SUCO: variants seen among roughly 807,000 people sequenced by gnomAD.
The protein encoded by SUCO is SUN domain containing ossification factor, also known as SUN domain-containing ossification factor.
A neutral mutation model predicts 148.1 loss-of-function variants in SUCO; 57 were observed. That is an observed-to-expected ratio of 0.38 (90% confidence interval 0.31 to 0.48). SUCO has a LOEUF of 0.48. Ranked by LOEUF, SUCO falls within the 20% of genes least tolerant of loss-of-function variation. SUCO has a pLI of 0.96. For missense variants in SUCO, 1,331 were observed against 1,468.2 expected, an observed-to-expected ratio of 0.91 and a Z score of 1.53; for synonymous variants, 470 against 502.7, an observed-to-expected ratio of 0.93 and a Z score of 0.87.
At chr1:172,582,642 C>T (rs1178679920) in intron 15 of SUCO, among the ~76,000 whole-genome samples, 3 of 152,030 alleles carry the variant, frequency 2.0e-5, no homozygotes, top group Admixed American at 6.6e-5. Flanking sequence ...GCCAGATAAT[C>T]ATGGTGTATA....
rs572494281 is a variant in SUCO, at chr1:172,597,089, T to G, written c.2914-2975T>G. 1.5e-3 allele frequency among the ~76,000 whole-genome samples: 233 copies of G among 152,174 alleles called. 2 individuals are homozygous for G. Among genetic ancestry groups the G allele is most frequent in the Non-Finnish European group, 2.8e-3 (192 of 68,036 alleles). On this transcript the variant is annotated intron_variant, in intron 19 of 23. Transcript: ENST00000263688. Reference sequence around the variant, plus strand: ...CGTGGGCATGGGACCCTCCGAGCCATGCACGGGATATAATCTCCTGGTGTG... The same window carrying G: ...CGTGGGCATGGGACCCTCCGAGCCAGGCACGGGATATAATCTCCTGGTGTG...
intron 1 of SUCO, among the ~76,000 whole-genome samples, chr1:172,537,791 A>G (rs1483368215): frequency 6.6e-6 from 1 of 152,238 alleles, no homozygotes; most frequent in Non-Finnish European, 1.5e-5. Flanking sequence ...GGCAAATATA[A>G]CAGGTACTTA....
intron 15 of SUCO, among the ~76,000 whole-genome samples, chr1:172,583,663 G>T (rs1656036892): frequency 6.6e-6 from 1 of 152,138 alleles, no homozygotes; most frequent in African/African-American, 2.4e-5. Context: ...TTTAGGAAGG[G>T]AGATTAAGAC....
chr1:172,603,649 A>G (rs1657674991), intron 22 of SUCO, among the ~76,000 whole-genome samples: 1 of 151,980 alleles, frequency 6.6e-6, no homozygotes, highest in African/African-American at 2.4e-5. Flanking sequence ...TAATTTAAGT[A>G]TAATTATGTG....
chr1:172,602,017 C>T (rs769921379), intron 20 of SUCO, 47 bp from the exon 21 acceptor site: 36 of 1,514,836 alleles, frequency 2.4e-5, no homozygotes, highest in Admixed American at 1.1e-4. Context: ...TATATTTTTC[C>T]TAATATGATT....
chr1:172,573,402 T>C (rs925427582), intron 9 of SUCO, among the ~76,000 whole-genome samples: 5 of 151,980 alleles, frequency 3.3e-5, no homozygotes, highest in African/African-American at 9.7e-5. Context: ...TAACTTGATT[T>C]CCCCCCCTGC....
intron 12 of SUCO, 25 bp downstream of exon 12, chr1:172,577,584 A>G (rs763053011): frequency 1.9e-6 from 3 of 1,609,300 alleles, no homozygotes; most frequent in African/African-American, 1.3e-5. Context: ...CTTTTGCACT[A>G]TTAAATAACA....
In SUCO at chr1:172,600,076, A is replaced by G. The variant is rs200232407; in HGVS notation, c.2926A>G (p.Thr976Ala). 3.1e-6 allele frequency: 5 copies of G among 1,604,732 alleles called. No individual in the cohort carries two copies. The African/African-American group carries it at 6.7e-5, about 22-fold the overall frequency. Reference sequence around the variant, plus strand: ...TCCTTTATCATAGGATCAGCGGCAAACTGAAGCCATCCAGTTGCTACAGGC... The same window carrying G: ...TCCTTTATCATAGGATCAGCGGCAAGCTGAAGCCATCCAGTTGCTACAGGC... ...RIAEEQDQRQ[T>A]EAIQLLQAQL... Residue 976 changes from threonine to alanine, a missense_variant, in exon 20 of 24, where the codon ACT (threonine) becomes GCT (alanine). Around this residue, in one of 3 missense-constraint regions of SUCO, gnomAD observed 334 missense variants for 352.3 expected, o/e 0.95. Coordinates refer to ENST00000263688, the MANE Select transcript of SUCO (RefSeq NM_014283.5).
intron 12 of SUCO, 53 bp downstream of exon 12, chr1:172,577,612 G>A: frequency 1.3e-6 from 2 of 1,599,058 alleles, no homozygotes; most frequent in Non-Finnish European, 1.7e-6. Context: ...GCGTATTAAT[G>A]CATTACAAAA....
chr1:172,548,739 G>GT lies in SUCO; in HGVS notation c.63-2768dup, dbSNP rs939836616. On this transcript the variant is annotated intron_variant, in intron 1 of 23. Coordinates refer to ENST00000263688, the MANE Select transcript of SUCO (RefSeq NM_014283.5). ...GAGAATATAATCTTTTAGAGCTTGAGTTTTTGGAATTTGAGGCTTCTTTTG... is the reference window on the plus strand; with the variant it reads ...GAGAATATAATCTTTTAGAGCTTGAGTTTTTTGGAATTTGAGGCTTCTTTTG... 9.9e-5 allele frequency among the ~76,000 whole-genome samples: 15 copies of GT among 151,936 alleles called. 1 individual carries two copies. The highest frequency in any genetic ancestry group is 6.3e-3 in the Middle Eastern group (2 of 316).
intron 19 of SUCO, among the ~76,000 whole-genome samples, chr1:172,595,559 G>A (rs1300308616): frequency 2.6e-5 from 4 of 152,144 alleles, no homozygotes; most frequent in African/African-American, 7.2e-5. Flanking sequence ...TGGATATGAA[G>A]TTCTGGGTTG....
chr1:172,609,751 C>T, intron 23 of SUCO, 65 bp from the exon 24 acceptor site: 1 of 1,534,592 alleles, frequency 6.5e-7, no homozygotes, highest in Non-Finnish European at 8.7e-7. Flanking sequence ...GCTCAGCTCT[C>T]TAGGTGTTTG....
At position 172,577,550 on chromosome 1, in the gene SUCO, G is replaced by A. The variant is rs1355333908; in HGVS notation, c.1275G>A (p.Lys425=). The A allele has an allele frequency of 6.2e-7, 1 of 1,610,688 alleles. No homozygotes were observed. Among genetic ancestry groups the A allele is most frequent in the East Asian group, 2.2e-5 (1 of 44,718 alleles). The change falls in exon 12 of 24, where the codon AAG becomes AAA. Residue 425 remains lysine (K), a synonymous_variant. Coordinates refer to ENST00000263688, the MANE Select transcript of SUCO (RefSeq NM_014283.5). ...TTCTCTTGCTTCAGATGTTCATCAAGTACATAAAGGTTAGCAACCTTCTCT... is the reference window on the plus strand; with the variant it reads ...TTCTCTTGCTTCAGATGTTCATCAAATACATAAAGGTTAGCAACCTTCTCT... ...MYAKYVKMFI[K]YIKVELLSHF...
intron 6 of SUCO, among the ~76,000 whole-genome samples, chr1:172,563,149 A>T (rs1382985204): frequency 6.6e-6 from 1 of 152,234 alleles, no homozygotes; most frequent in Non-Finnish European, 1.5e-5. Flanking sequence ...ATAGTTCTTT[A>T]TAGCAGTGTA....
At chr1:172,533,852 A>G (rs888986619) in intron 1 of SUCO, among the ~76,000 whole-genome samples, 1 of 152,168 alleles carries the variant, frequency 6.6e-6, no homozygotes, top group Non-Finnish European at 1.5e-5. Flanking sequence ...ATTTGCCGCC[A>G]GTCTTTGCGT....
At position 172,557,807 on chromosome 1, in the gene SUCO, C is replaced by T. The variant is rs561904547; in HGVS notation, c.732+13C>T. ...TTTAAAAAATGAGGTAGGTATATAA[C>T]TTGCACTATCTCTTACTTCTTTATG... On this transcript the variant is annotated intron_variant, in intron 6 of 23. Transcript: ENST00000263688. 1.6e-5 allele frequency: 25 copies of T among 1,567,028 alleles called. No individual in the cohort carries two copies. Among genetic ancestry groups the T allele is most frequent in the Admixed American group, 1.0e-4 (5 of 48,866 alleles).
In SUCO at chr1:172,575,493, AG is replaced by A; in HGVS notation, c.1158-24del. Reference sequence around the variant, plus strand: ...ATATGTGGTTTATAATTTTTAAAAAAGAACATATTGCTTATATTTTTTAGAT... The same window carrying A: ...ATATGTGGTTTATAATTTTTAAAAAAAACATATTGCTTATATTTTTTAGAT... On this transcript the variant is annotated intron_variant, in intron 10 of 23. Coordinates refer to ENST00000263688, the MANE Select transcript of SUCO (RefSeq NM_014283.5). 2.0e-6 allele frequency: 3 copies of A among 1,504,696 alleles called. No individual in the cohort carries two copies. The South Asian group carries it at 3.5e-5, about 18-fold the overall frequency. The allele number at this position is 1,504,696 out of a possible 1,614,324, so 93.2% of individuals were successfully genotyped here. A position where few individuals can be genotyped will look rare whatever the true frequency, so the allele number is the denominator to read the frequency against.
intron 1 of SUCO, among the ~76,000 whole-genome samples, chr1:172,534,581 A>C (rs952449750): frequency 3.3e-5 from 5 of 152,190 alleles, no homozygotes; most frequent in Non-Finnish European, 7.4e-5. Context: ...TTTTTATTGG[A>C]AGAATGATAG....
intron 6 of SUCO, among the ~76,000 whole-genome samples, chr1:172,558,531 G>T (rs1198987515): frequency 6.6e-6 from 1 of 151,338 alleles, no homozygotes; most frequent in Non-Finnish European, 1.5e-5. Flanking sequence ...TCTTTAATTT[G>T]GGGATCTTTT....
Sources: gnomAD v4.1 joint callset for allele counts (sites outside exome capture counted in the v4.1 genomes callset) on GRCh38, gnomAD v4.1.1 for gene constraint, gnomAD v4.1.1 regional missense constraint, MANE v1.5 for transcripts, NCBI Gene and HGNC (gene_info 2026-07-23, HGNC 2026-07-21) for gene names.